The following COL11A1 variants were observed in gnomAD, a reference collection of about 807,000 sequenced individuals.
COL11A1 encodes the protein collagen type XI alpha 1 chain, also known as collagen alpha-1(XI) chain.
COL11A1 carries 74 observed loss-of-function variants against 265.2 expected under a neutral mutation model. That is an observed-to-expected ratio of 0.28 (90% CI 0.23 to 0.34). COL11A1 has a LOEUF of 0.34. COL11A1 is among the 10% of genes least tolerant of loss of function. The pLI, the probability that COL11A1 is intolerant of heterozygous loss-of-function variation, is 1.00. For missense variants in COL11A1, 2,165 were observed against 2,263.6 expected, an observed-to-expected ratio of 0.96 and a Z score of 0.88; for synonymous variants, 816 against 727.6, an observed-to-expected ratio of 1.12 and a Z score of -1.96.
intron 14 of COL11A1, among the ~76,000 whole-genome samples, chr1:103,010,404 G>A (rs1666008783): frequency 6.6e-6 from 1 of 151,964 alleles, no homozygotes; most frequent in East Asian, 1.9e-4. Context: ...CAATAATTAA[G>A]GAAGCTAAAA....
At chr1:103,014,430 T>C (rs1405824127) in intron 13 of COL11A1, 81 bp downstream of exon 13, 1 of 1,112,958 alleles carries the variant, frequency 9.0e-7, no homozygotes, top group Non-Finnish European at 1.4e-6. Flanking sequence ...TTAATAATGG[T>C]AGCATCTTCC....
intron 38 of COL11A1, among the ~76,000 whole-genome samples, 193 bp from the exon 39 acceptor site, chr1:102,962,953 T>C (rs1661063434): frequency 6.6e-6 from 1 of 152,196 alleles, no homozygotes; most frequent in Non-Finnish European, 1.5e-5. Flanking sequence ...TTTTATATAA[T>C]CTTGGTTAGA....
Position 102,914,340 on chromosome 1 carries a change from C to A in COL11A1, c.3978+12G>T. The stretch of plus-strand genomic sequence containing the variant: ...CTCCAAAATAATTTCTTGATTTTTC[C>A]CTGATACTTACTGCAGGGCCAGGTT... On this transcript the variant is annotated intron_variant, in intron 52 of 66. Coordinates refer to ENST00000370096, the MANE Select transcript of COL11A1 (RefSeq NM_001854.4). The A allele has an allele frequency of 6.3e-7, 1 of 1,595,238 alleles. No homozygotes were observed. The highest frequency in any genetic ancestry group is 1.1e-5 in the South Asian group (1 of 89,340).
intron 48 of COL11A1, among the ~76,000 whole-genome samples, chr1:102,920,792 A>G (rs1286720951): frequency 2.6e-5 from 4 of 152,210 alleles, no homozygotes; most frequent in Non-Finnish European, 5.9e-5. Context: ...ATGAAAATCT[A>G]AAAACTCTTT....
chr1:103,086,795 G>C (rs535854804), intron 1 of COL11A1, among the ~76,000 whole-genome samples: 1 of 138,838 alleles, frequency 7.2e-6, no homozygotes, highest in Admixed American at 8.0e-5. Flanking sequence ...ATATAATAAA[G>C]GTATCAACCA....
intron 28 of COL11A1, among the ~76,000 whole-genome samples, chr1:102,991,209 T>A (rs1401519927): frequency 6.6e-6 from 1 of 152,000 alleles, no homozygotes; most frequent in Non-Finnish European, 1.5e-5. Flanking sequence ...GAGGGTTTGA[T>A]GGAGGGGTTT....
At chr1:103,000,889 TG>T (rs1205683767) in intron 24 of COL11A1, 16 of 333,810 alleles carry the variant, frequency 4.8e-5, no homozygotes, top group Non-Finnish European at 7.0e-5. Flanking sequence ...AAACAGAACC[TG>T]GTATACCCAA....
In COL11A1 at chr1:103,017,897, A is replaced by T; in HGVS notation, c.1351-15T>A. On this transcript the variant is annotated splice_polypyrimidine_tract_variant and intron_variant, in intron 10 of 66. Coordinates refer to ENST00000370096, the MANE Select transcript of COL11A1 (RefSeq NM_001854.4). ...CCCATAATACCCTATAGAGAAACAC[A>T]CCATATCTTAATCAGATTCCTAATC... 6 of 1,596,876 alleles carry T rather than the reference A, an allele frequency of 3.8e-6. No homozygotes were observed. Among genetic ancestry groups the T allele is most frequent in the Non-Finnish European group, 5.2e-6 (6 of 1,164,486 alleles).
chr1:102,888,487 GC>G, intron 62 of COL11A1, 89 bp downstream of exon 62: 2 of 1,243,626 alleles, frequency 1.6e-6, no homozygotes, highest in Admixed American at 1.8e-5. Flanking sequence ...GGCAGAATGT[GC>G]TTTTTGTCTA....
Position 102,996,066 on chromosome 1 carries a change from A to G in COL11A1, c.2242-24T>C, listed in dbSNP as rs370585736. The G allele has an allele frequency of 3.0e-5, 48 of 1,606,864 alleles. No individual in the cohort carries two copies. The African/African-American group carries it at 6.2e-4, about 21-fold the overall frequency. On this transcript the variant is annotated intron_variant, in intron 26 of 66. Coordinates refer to ENST00000370096, the MANE Select transcript of COL11A1 (RefSeq NM_001854.4). Reference sequence around the variant, plus strand: ...CCCTGAAATAGATGAATTACCACTTATACGTGTAATAAATTGAAAGTGCTA... The same window carrying G: ...CCCTGAAATAGATGAATTACCACTTGTACGTGTAATAAATTGAAAGTGCTA...
intron 42 of COL11A1, among the ~76,000 whole-genome samples, chr1:102,944,207 A>G (rs1295939834): frequency 6.6e-6 from 1 of 152,172 alleles, no homozygotes; most frequent in Non-Finnish European, 1.5e-5. Flanking sequence ...AGCAGAGGTA[A>G]GATCTAAAAT....
In COL11A1 at chr1:102,908,894, G is replaced by C. The variant is rs920079448; in HGVS notation, c.4086+3265C>G. Among the ~76,000 whole-genome samples, 22 of 151,842 alleles carry C rather than the reference G, an allele frequency of 1.4e-4. 1 individual carries two copies. Among genetic ancestry groups the C allele is most frequent in the African/African-American group, 5.1e-4 (21 of 41,330 alleles). ...CAATGTTGTCTAGTTAGAAATACTG[G>C]CAGGAATGAGAGTAACATAATTTTT... On this transcript the variant is annotated intron_variant, in intron 54 of 66. Coordinates refer to ENST00000370096, the MANE Select transcript of COL11A1 (RefSeq NM_001854.4).
chr1:102,987,796 A>G, intron 29 of COL11A1, 56 bp from the exon 30 acceptor site: 1 of 1,308,928 alleles, frequency 7.6e-7, no homozygotes, highest in South Asian at 1.2e-5. Flanking sequence ...CAAAAATTGT[A>G]ACAGGGAAAA....
intron 9 of COL11A1, among the ~76,000 whole-genome samples, chr1:103,020,975 A>G (rs1667005145): frequency 7.0e-6 from 1 of 143,846 alleles, no homozygotes; most frequent in Non-Finnish European, 1.5e-5. Context: ...AACGCTGCAT[A>G]TCTACAACTA....
In COL11A1 at chr1:102,939,439, G is replaced by A. The variant is rs540288815; in HGVS notation, c.3385-351C>T. 7.9e-4 allele frequency among the ~76,000 whole-genome samples: 120 copies of A among 152,208 alleles called. 1 individual carries two copies. Among genetic ancestry groups the A allele is most frequent in the Admixed American group, 3.9e-4 (6 of 15,284 alleles). ...TACTTTACCAGCTAGGTTCTGGGTC[G>A]CGCACCTGTAATCCCAGGTTTTGGG... On this transcript the variant is annotated intron_variant, in intron 43 of 66. Coordinates refer to ENST00000370096, the MANE Select transcript of COL11A1 (RefSeq NM_001854.4).
intron 31 of COL11A1, 40 bp downstream of exon 31, chr1:102,984,098 C>T (rs201164065): frequency 2.6e-5 from 35 of 1,356,834 alleles, no homozygotes; most frequent in Non-Finnish European, 3.4e-5. Context: ...ATATTATCTT[C>T]ACGAAATGTT....
At chr1:102,901,242 C>G (rs1159617965) in intron 54 of COL11A1, among the ~76,000 whole-genome samples, 2 of 151,880 alleles carry the variant, frequency 1.3e-5, no homozygotes, top group South Asian at 4.2e-4. Context: ...ATCGCTTGAA[C>G]CCGGGAGGCA....
chr1:102,961,824 C>T (rs765405911), intron 41 of COL11A1, 42 bp downstream of exon 41: 9 of 1,571,500 alleles, frequency 5.7e-6, no homozygotes, highest in Admixed American at 1.7e-5. Context: ...AGCTGTAATT[C>T]ACAACCATGA....
chr1:102,886,490 A>G (rs1477361899), intron 63 of COL11A1, among the ~76,000 whole-genome samples: 1 of 152,192 alleles, frequency 6.6e-6, no homozygotes, highest in Non-Finnish European at 1.5e-5. Context: ...TAATCATATT[A>G]CAATATACAC....
Sources: gnomAD v4.1 joint callset for allele counts (sites outside exome capture counted in the v4.1 genomes callset) on GRCh38, gnomAD v4.1.1 for gene constraint, MANE v1.5 for transcripts, NCBI Gene and HGNC (gene_info 2026-07-23, HGNC 2026-07-21) for gene names.